LRRFIP1: variants seen among roughly 807,000 people sequenced by gnomAD.
LRRFIP1 encodes leucine-rich repeat flightless-interacting protein 1.
In LRRFIP1, 62 loss-of-function variants were observed where a neutral mutation model predicts 104.4. That is an observed-to-expected ratio of 0.59 (90% confidence interval 0.48 to 0.73). The LOEUF is 0.73. Among genes scored for constraint, LRRFIP1 ranks in the 30% least tolerant of loss-of-function variants. The pLI, the probability that LRRFIP1 is intolerant of heterozygous loss-of-function variation, is 0.00. For missense variants in LRRFIP1, 796 were observed against 824.5 expected, an observed-to-expected ratio of 0.97 and a Z score of 0.42; for synonymous variants, 300 against 299.0, an observed-to-expected ratio of 1.00 and a Z score of -0.03.
Position 237,757,532 on chromosome 2 carries a change from A to C in LRRFIP1, c.1208A>C (p.Lys403Thr). ...GATCTTCAGGAAACAATAGAGTGGAAAGACAAAAAGATAGGGGTAGGATTC... is the reference window on the plus strand; with the variant it reads ...GATCTTCAGGAAACAATAGAGTGGACAGACAAAAAGATAGGGGTAGGATTC... Reference protein sequence around the residue: ...ISDLQETIEWKDKKIGALERQ... With the variant: ...ISDLQETIEWTDKKIGALERQ... Residue 403 changes from lysine (K) to threonine (T), a missense_variant, in exon 17 of 24, where the codon AAA becomes ACA. Physicochemically the swap from Lys to Thr is moderately conservative, Grantham distance 78 (BLOSUM62 -1). Transcript: ENST00000308482. 1 of 1,580,926 alleles carries C rather than the reference A, an allele frequency of 6.3e-7. No homozygotes were observed. The highest frequency in any genetic ancestry group is 8.6e-7 in the Non-Finnish European group (1 of 1,162,474).
chr2:237,647,069 C>T (rs1245413117), intron 1 of LRRFIP1, among the ~76,000 whole-genome samples: 2 of 152,058 alleles, frequency 1.3e-5, no homozygotes, highest in African/African-American at 4.8e-5. Context: ...CCCCACTTAA[C>T]AGTATCCTCT....
intron 1 of LRRFIP1, among the ~76,000 whole-genome samples, chr2:237,634,443 C>G (rs1249357189): frequency 2.6e-5 from 4 of 152,196 alleles, no homozygotes; most frequent in Non-Finnish European, 5.9e-5. Flanking sequence ...ATCAGATTTC[C>G]TGGGTTCAAA....
At chr2:237,628,636 T>A (rs1386166596) in intron 1 of LRRFIP1, among the ~76,000 whole-genome samples, 5 of 152,214 alleles carry the variant, frequency 3.3e-5, no homozygotes. Context: ...GGTGTATGAA[T>A]GCAAAGAAAG....
Position 237,661,167 on chromosome 2 carries a change from C to T in LRRFIP1, c.96+33427C>T, listed in dbSNP as rs995075544. ...AACAAACAGGGAAGGATATCTGGGG[C>T]CACGCAGGGAGACCCTGGGGGATCC... On this transcript the variant is annotated intron_variant, in intron 1 of 23. Coordinates refer to ENST00000308482, the MANE Select transcript of LRRFIP1 (RefSeq NM_001137550.2). This position sits in a 1 kb window ranked among gnomAD's most constrained non-coding sequence, Gnocchi z 4.4. Among the ~76,000 whole-genome samples, 1 of 152,178 alleles carries T rather than the reference C, an allele frequency of 6.6e-6. No homozygotes were observed. Among genetic ancestry groups the T allele is most frequent in the African/African-American group, 2.4e-5 (1 of 41,432 alleles).
intron 23 of LRRFIP1, chr2:237,779,210 T>C: frequency 2.7e-6 from 1 of 370,320 alleles, no homozygotes; most frequent in Non-Finnish European, 3.7e-6. Context: ...CGAGATTCCA[T>C]CTCAAGAAAA....
chr2:237,757,397 G>A, intron 16 of LRRFIP1, 59 bp from the exon 17 acceptor site: 2 of 1,140,942 alleles, frequency 1.8e-6, no homozygotes, highest in Non-Finnish European at 2.6e-6. Context: ...TCTCTCTCGG[G>A]CTGGGGTTTT....
rs944528293 is a variant in LRRFIP1 at position 237,742,904 on chromosome 2, G to A, written c.633+3595G>A. Among the ~76,000 whole-genome samples, 7 of 152,226 alleles carry A rather than the reference G, an allele frequency of 4.6e-5. No homozygotes were observed. The East Asian group carries it at 7.7e-4, about 17-fold the overall frequency. On this transcript the variant is annotated intron_variant, in intron 11 of 23. Transcript: ENST00000308482. The stretch of plus-strand genomic sequence containing the variant: ...TCTGAGGCAGGGAGTTTCAGAACCC[G>A]GGTTCAGATGTCACAGCTCTCATTC...
intron 1 of LRRFIP1, among the ~76,000 whole-genome samples, chr2:237,684,786 T>C (rs1313666596): frequency 6.6e-6 from 1 of 152,104 alleles, no homozygotes; most frequent in African/African-American, 2.4e-5. Context: ...GTGCATTGTC[T>C]TCATGAAAAA....
At chr2:237,772,221 AAGT>A (rs753194383) in intron 21 of LRRFIP1, 23 bp downstream of exon 21, 1 of 1,565,122 alleles carries the variant, frequency 6.4e-7, no homozygotes, top group Non-Finnish European at 8.8e-7. Context: ...TCTTGTGTAG[AAGT>A]AAATGCTTTC....
intron 2 of LRRFIP1, among the ~76,000 whole-genome samples, chr2:237,713,965 C>T (rs772203667): frequency 3.3e-4 from 51 of 152,270 alleles, no homozygotes; most frequent in Non-Finnish European, 6.9e-4. Flanking sequence ...AGTACTTTTT[C>T]TCATTGATGG....
rs115508345 is a variant in LRRFIP1 at position 237,738,309 on chromosome 2, A to G, written c.556-923A>G. On this transcript the variant is annotated intron_variant, in intron 10 of 23. Coordinates refer to ENST00000308482, the MANE Select transcript of LRRFIP1 (RefSeq NM_001137550.2). ...CACCCCTGAAGATATGGGCTTCCTT[A>G]TAATTCGCAAGCAGGGCACTTCGGC... is the stretch of plus-strand genomic sequence containing the variant. Among the ~76,000 whole-genome samples the G allele has an allele frequency of 7.1e-3, 1,079 of 152,270 alleles. 11 individuals carry two copies. The highest frequency in any genetic ancestry group is 0.025 in the African/African-American group (1,022 of 41,536).
chr2:237,695,760 T>G (rs1462914207), intron 1 of LRRFIP1, among the ~76,000 whole-genome samples: 1 of 152,088 alleles, frequency 6.6e-6, no homozygotes. Context: ...GTTTTTTGTT[T>G]TTTTTTTTTA....
chr2:237,670,318 T>C (rs1187394822), intron 1 of LRRFIP1, among the ~76,000 whole-genome samples: 1 of 152,138 alleles, frequency 6.6e-6, no homozygotes, highest in African/African-American at 2.4e-5. Flanking sequence ...GATAATGACA[T>C]TGGTCTGCTG....
chr2:237,739,867 A>G (rs11901262), intron 11 of LRRFIP1, among the ~76,000 whole-genome samples: 3,209 of 152,130 alleles, frequency 0.021, 90 homozygotes, highest in African/African-American at 0.073. Flanking sequence ...TTGGAATTTG[A>G]CACAGTTTTA....
At chr2:237,655,273 G>A in intron 1 of LRRFIP1, among the ~76,000 whole-genome samples, 2 of 149,666 alleles carry the variant, frequency 1.3e-5, no homozygotes, top group Non-Finnish European at 3.0e-5. Context: ...ACCATGCCCA[G>A]CTAATTTTTG....
chr2:237,740,003 A>G (rs1314070653), intron 11 of LRRFIP1, among the ~76,000 whole-genome samples: 1 of 152,098 alleles, frequency 6.6e-6, no homozygotes, highest in African/African-American at 2.4e-5. Flanking sequence ...AAACAGCTCC[A>G]GGCTGCACGA....
chr2:237,627,886 C>A, intron 1 of LRRFIP1, 146 bp downstream of exon 1: 1 of 426,478 alleles, frequency 2.3e-6, no homozygotes, highest in Non-Finnish European at 3.6e-6. Context: ...GGCAGGCGCG[C>A]GCCGGGGCGC....
At chr2:237,736,644 C>G (rs562773494) in intron 10 of LRRFIP1, among the ~76,000 whole-genome samples, 1 of 152,278 alleles carries the variant, frequency 6.6e-6, no homozygotes, top group South Asian at 2.1e-4. Flanking sequence ...CTTCATTGCT[C>G]TTCTGCGAGC....
intron 1 of LRRFIP1, among the ~76,000 whole-genome samples, chr2:237,651,628 T>C (rs961134491): frequency 1.3e-5 from 2 of 152,176 alleles, no homozygotes; most frequent in African/African-American, 2.4e-5. Context: ...TGTTCCTCTC[T>C]CCTCTGTATT....
Sources: gnomAD v4.1 joint callset for allele counts (sites outside exome capture counted in the v4.1 genomes callset) on GRCh38, gnomAD v4.1.1 for gene constraint, Gnocchi (gnomAD v3.1) non-coding constraint, MANE v1.5 for transcripts, NCBI Gene and HGNC (gene_info 2026-07-23, HGNC 2026-07-21) for gene names.